DNAJC5: variants seen among roughly 807,000 people sequenced by gnomAD.
DNAJC5 encodes dnaJ homolog subfamily C member 5.
A neutral mutation model predicts 23.2 loss-of-function variants in DNAJC5; 1 was observed. The ratio of observed to expected loss-of-function variants is 0.04; its 90% confidence interval spans 0.02 to 0.20. DNAJC5 has a LOEUF of 0.20. DNAJC5 is among the 10% of genes least tolerant of loss of function. The pLI, the probability that DNAJC5 is intolerant of heterozygous loss-of-function variation, is 1.00. For synonymous variants in DNAJC5, 136 were observed against 120.0 expected (o/e 1.13, Z -0.87); for missense variants, 180 against 267.0 (o/e 0.67, Z 2.27).
intron 1 of DNAJC5, among the ~76,000 whole-genome samples, chr20:63,908,078 A>T (rs1211184979): frequency 6.6e-6 from 1 of 152,082 alleles, no homozygotes; most frequent in Non-Finnish European, 1.5e-5. Context: ...GAAATTTCGC[A>T]TGTTTTACGG....
At chr20:63,899,065 C>T (rs2053392645) in intron 1 of DNAJC5, among the ~76,000 whole-genome samples, 1 of 152,142 alleles carries the variant, frequency 6.6e-6, no homozygotes, top group Admixed American at 6.6e-5. Flanking sequence ...GTGACTGGGG[C>T]CGCTGTGACT....
intron 1 of DNAJC5, among the ~76,000 whole-genome samples, chr20:63,899,363 T>C (rs1247261030): frequency 6.6e-6 from 1 of 152,190 alleles, no homozygotes; most frequent in Non-Finnish European, 1.5e-5. Flanking sequence ...AAGGATTAGA[T>C]TACCCAACAA....
intron 1 of DNAJC5, among the ~76,000 whole-genome samples, chr20:63,905,759 A>G (rs1169900681): frequency 1.4e-5 from 2 of 138,656 alleles, no homozygotes; most frequent in African/African-American, 2.8e-5. Context: ...TCTGGAGACA[A>G]AGTCTTGCTC....
At position 63,934,688 on chromosome 20, in the gene DNAJC5, CTA is replaced by C. The variant is rs1568993142; in HGVS notation, c.*3122_*3123del. 6.6e-6 allele frequency: 1 copy of C among 152,240 alleles called. No individual in the cohort carries two copies. Among genetic ancestry groups the C allele is most frequent in the African/African-American group, 2.4e-5 (1 of 41,452 alleles). 9.4% of individuals were successfully genotyped at this position (152,240 alleles called of 1,614,324 possible). Reference sequence around the variant, plus strand: ...AGTGTTTGTGAACTTTCCTAGTTCTCTATGTTGTTAGTGCAGCCAGCACCCAG... The same window carrying C: ...AGTGTTTGTGAACTTTCCTAGTTCTCTGTTGTTAGTGCAGCCAGCACCCAG... On this transcript the variant is annotated 3_prime_UTR_variant, in exon 5 of 5. Transcript: ENST00000360864.
chr20:63,917,617 G>A (rs192961388), intron 1 of DNAJC5, among the ~76,000 whole-genome samples: 334 of 151,972 alleles, frequency 2.2e-3, no homozygotes, highest in Non-Finnish European at 3.9e-3. Flanking sequence ...GTGCAGTGGC[G>A]CGATCTCGGC....
Position 63,923,635 on chromosome 20 carries a change from G to T in DNAJC5, c.-11-4700G>T, listed in dbSNP as rs185597158. 3.7e-3 allele frequency among the ~76,000 whole-genome samples: 561 copies of T among 152,078 alleles called. 2 individuals are homozygous for T. Among genetic ancestry groups the T allele is most frequent in the African/African-American group, 0.013 (536 of 41,460 alleles). The stretch of plus-strand genomic sequence containing the variant: ...AGCTACTCAGGAGGCTGAGGTGGGG[G>T]GATCAGCTGAGCCCAGGAGGTCAAG... On this transcript the variant is annotated intron_variant, in intron 1 of 4. Transcript: ENST00000360864.
At chr20:63,917,674 G>A (rs893488190) in intron 1 of DNAJC5, among the ~76,000 whole-genome samples, 1 of 152,052 alleles carries the variant, frequency 6.6e-6, no homozygotes, top group South Asian at 2.1e-4. Context: ...TCCTGCCTCA[G>A]CCTCCTGAGT....
At chr20:63,927,723 G>T (rs116599139) in intron 1 of DNAJC5, among the ~76,000 whole-genome samples, 205 of 152,290 alleles carry the variant, frequency 1.3e-3, no homozygotes, top group Admixed American at 3.7e-3. Flanking sequence ...TATCCATTCT[G>T]TCAGTCCCTT....
chr20:63,917,796 A>T (rs1299533492), intron 1 of DNAJC5, among the ~76,000 whole-genome samples: 2 of 152,166 alleles, frequency 1.3e-5, no homozygotes, highest in African/African-American at 4.8e-5. Flanking sequence ...ACCTCAAGCC[A>T]TCTGCCCACC....
rs567925487 is a variant in DNAJC5 at position 63,920,442 on chromosome 20, G to C, written c.-11-7893G>C. 7.9e-5 allele frequency among the ~76,000 whole-genome samples: 12 copies of C among 152,336 alleles called. No homozygotes were observed. Among genetic ancestry groups the C allele is most frequent in the South Asian group, 2.1e-4 (1 of 4,830 alleles). On this transcript the variant is annotated intron_variant, in intron 1 of 4. Transcript: ENST00000360864. The surrounding 1 kb of genome is among the most constrained non-coding windows in gnomAD (Gnocchi z 4.6). ...CTGGTGGGGATGCCCGCCATGCGGG[G>C]GCCTCAGGCTACAGCCAGGGCTGTG...
intron 1 of DNAJC5, among the ~76,000 whole-genome samples, chr20:63,915,837 A>C (rs1464757613): frequency 6.6e-6 from 1 of 152,252 alleles, no homozygotes; most frequent in Non-Finnish European, 1.5e-5. Flanking sequence ...AAGTTTTTAA[A>C]ATTTCCAGTG....
At chr20:63,896,901 G>T (rs2053379194) in intron 1 of DNAJC5, among the ~76,000 whole-genome samples, 1 of 152,164 alleles carries the variant, frequency 6.6e-6, no homozygotes, top group African/African-American at 2.4e-5. Flanking sequence ...TCACCCGGAA[G>T]TCCTTGTCGG....
At chr20:63,895,814 C>T (rs1355169712) in intron 1 of DNAJC5, among the ~76,000 whole-genome samples, 3 of 152,188 alleles carry the variant, frequency 2.0e-5, no homozygotes, top group East Asian at 3.8e-4. Flanking sequence ...ATCTTTCCGA[C>T]GTTGTAAATT....
chr20:63,899,249 A>G (rs771476997), intron 1 of DNAJC5, among the ~76,000 whole-genome samples: 1 of 152,210 alleles, frequency 6.6e-6, no homozygotes, highest in Non-Finnish European at 1.5e-5. Flanking sequence ...CCCCTAATCT[A>G]GGAGCTGGGA....
rs2053670831 is a variant in DNAJC5, at chr20:63,931,506, A to G, written c.535A>G (p.Thr179Ala). Residue 179 changes from threonine (T) to alanine (A), a missense_variant, in exon 5 of 5, where the codon ACC (threonine) becomes GCC (alanine). This residue lies in a region of DNAJC5 where 97 missense variants were observed against 123.4 expected (regional missense o/e 0.79). Coordinates refer to ENST00000360864, the MANE Select transcript of DNAJC5 (RefSeq NM_025219.3). The surrounding 1 kb of genome is among the most constrained non-coding windows in gnomAD (Gnocchi z 9.6). The part of the protein sequence containing the change: ...TPIVIQPASA[T>A]ETTQLTADSH... ...GATCGTCATACAGCCGGCATCCGCCACCGAGACCACCCAGCTCACAGCCGA... is the reference window on the plus strand; with the variant it reads ...GATCGTCATACAGCCGGCATCCGCCGCCGAGACCACCCAGCTCACAGCCGA... 1 of 1,581,738 alleles carries G rather than the reference A, an allele frequency of 6.3e-7. No individual in the cohort carries two copies. Among genetic ancestry groups the G allele is most frequent in the South Asian group, 1.2e-5 (1 of 86,896 alleles).
rs1600854947 is a variant in DNAJC5 at position 63,895,332 on chromosome 20, G to T, written c.-12+9G>T. On this transcript the variant is annotated intron_variant, in intron 1 of 4. Coordinates refer to ENST00000360864, the MANE Select transcript of DNAJC5 (RefSeq NM_025219.3). ...GGCGGGCGGACGGGCAGGTGAGCTC[G>T]CTGCGGGTCGGGCGGGCGGATCGGC... 2 of 147,470 alleles carry T rather than the reference G, an allele frequency of 1.4e-5. No homozygotes were observed. Among genetic ancestry groups the T allele is most frequent in the East Asian group, 3.9e-4 (2 of 5,128 alleles). 9.1% of individuals were successfully genotyped at this position (147,470 alleles called of 1,614,324 possible).
chr20:63,899,014 C>G (rs996188674), intron 1 of DNAJC5, among the ~76,000 whole-genome samples: 4 of 152,176 alleles, frequency 2.6e-5, no homozygotes, highest in African/African-American at 9.7e-5. Context: ...AGAATCTGTG[C>G]TAGGCCTTCC....
intron 1 of DNAJC5, among the ~76,000 whole-genome samples, chr20:63,917,132 G>C (rs2053520336): frequency 6.6e-6 from 1 of 152,190 alleles, no homozygotes; most frequent in African/African-American, 2.4e-5. Flanking sequence ...AGTATTATTT[G>C]GAAACTGGTA....
At chr20:63,915,317 G>A (rs1025821019) in intron 1 of DNAJC5, among the ~76,000 whole-genome samples, 4 of 152,084 alleles carry the variant, frequency 2.6e-5, no homozygotes, top group African/African-American at 9.7e-5. Flanking sequence ...CCTCAAAGGT[G>A]ACTTGGAGGA....
Sources: allele counts gnomAD v4.1 joint callset (sites outside exome capture counted in the v4.1 genomes callset), GRCh38; gene constraint gnomAD v4.1.1; regional missense constraint gnomAD v4.1.1; non-coding constraint Gnocchi (gnomAD v3.1); transcripts MANE v1.5; gene names NCBI Gene and HGNC (gene_info 2026-07-23, HGNC 2026-07-21).